RPGRIP1: variants seen among roughly 807,000 people sequenced by gnomAD.
The protein encoded by RPGRIP1 is RPGR interacting protein 1, also known as X-linked retinitis pigmentosa GTPase regulator-interacting protein 1.
A neutral mutation model predicts 157.9 loss-of-function variants in RPGRIP1; 128 were observed. The ratio of observed to expected loss-of-function variants is 0.81; its 90% CI spans 0.70 to 0.94. The LOEUF (loss-of-function observed/expected upper bound fraction) is 0.94. Among genes scored for constraint, RPGRIP1 ranks in the 40% least tolerant of loss-of-function variants. RPGRIP1 has a pLI of 0.00. For synonymous variants in RPGRIP1, 554 were observed against 571.6 expected (o/e 0.97, Z 0.44); for missense variants, 1,486 against 1,545.8 (o/e 0.96, Z 0.65).
At chr14:21,318,033 T>C (rs1881952077) in intron 11 of RPGRIP1, 183 bp downstream of exon 11, 1 of 701,288 alleles carries the variant, frequency 1.4e-6, no homozygotes, top group Non-Finnish European at 2.6e-6. Flanking sequence ...ACATGACACT[T>C]ACCTACCTCT....
intron 22 of RPGRIP1, 151 bp from the exon 23 acceptor site, chr14:21,344,962 T>C: frequency 1.6e-6 from 1 of 607,762 alleles, no homozygotes; most frequent in Non-Finnish European, 3.0e-6. Flanking sequence ...ACACAAATGA[T>C]TTTCAAAGCA....
intron 20 of RPGRIP1, among the ~76,000 whole-genome samples, chr14:21,330,899 A>AT (rs1361444391): frequency 1.3e-5 from 2 of 151,494 alleles, no homozygotes; most frequent in Non-Finnish European, 2.9e-5. Flanking sequence ...TTGCCCCAGG[A>AT]TTTTTTTGTT....
intron 3 of RPGRIP1, among the ~76,000 whole-genome samples, chr14:21,300,037 T>C (rs1432346895): frequency 6.6e-6 from 1 of 152,158 alleles, no homozygotes; most frequent in Non-Finnish European, 1.5e-5. Flanking sequence ...GGCTCACGCA[T>C]GTAATCCCAA....
chr14:21,344,310 C>T (rs974930431), intron 22 of RPGRIP1, among the ~76,000 whole-genome samples: 12 of 151,934 alleles, frequency 7.9e-5, no homozygotes, highest in Non-Finnish European at 1.6e-4. Flanking sequence ...TAATTATTTT[C>T]GTGTCCTTCA....
At chr14:21,300,705 CTTTTTTTT>C (rs918137131) in intron 3 of RPGRIP1, among the ~76,000 whole-genome samples, 1 of 73,502 alleles carries the variant, frequency 1.4e-5, no homozygotes, top group Non-Finnish European at 2.5e-5. Flanking sequence ...AGTGGCTCAA[CTTTTTTTT>C]TTTTTTTTTT....
chr14:21,315,732 T>C (rs530269753), intron 10 of RPGRIP1, among the ~76,000 whole-genome samples: 4 of 152,040 alleles, frequency 2.6e-5, no homozygotes, highest in African/African-American at 9.6e-5. Flanking sequence ...CTTGAGTCCT[T>C]ACATGATATA....
chr14:21,294,572 C>A, intron 2 of RPGRIP1, 105 bp from the exon 3 acceptor site: 1 of 1,167,994 alleles, frequency 8.6e-7, no homozygotes, highest in Non-Finnish European at 1.2e-6. Context: ...AAATACTTGA[C>A]TCAAGATAGA....
At chr14:21,348,098 T>A in intron 23 of RPGRIP1, 74 bp from the exon 24 acceptor site, 3 of 1,219,938 alleles carry the variant, frequency 2.5e-6, no homozygotes, top group Non-Finnish European at 3.3e-6. Flanking sequence ...TGTTTATGAT[T>A]ACTTTTATCC....
intron 22 of RPGRIP1, 139 bp downstream of exon 22, chr14:21,343,367 G>A: frequency 8.7e-6 from 6 of 690,852 alleles, no homozygotes; most frequent in Non-Finnish European, 1.4e-5. Flanking sequence ...TTGTGTGCAT[G>A]TGGTTTAAAA....
At position 21,334,664 on chromosome 14, in the gene RPGRIP1, G is replaced by C; in HGVS notation, c.3298G>C (p.Asp1100His). The C allele has an allele frequency of 1.2e-6, 2 of 1,608,936 alleles. No homozygotes were observed. The highest frequency in any genetic ancestry group is 1.7e-6 in the Non-Finnish European group (2 of 1,178,230). Residue 1100 changes from aspartate to histidine, a missense_variant, in exon 21 of 25, where the codon GAT becomes CAT. Physicochemically the swap from Asp to His is moderately conservative, Grantham distance 81. Transcript: ENST00000400017. ...VSEAQTTDSD[D>H]VIVPPMSQKY... ...TGAAGCACAAACTACCGACAGTGAT[G>C]ATGTCATAGTGCCACCCATGTCTCA...
At chr14:21,293,330 A>AT (rs1880615816) in intron 2 of RPGRIP1, among the ~76,000 whole-genome samples, 1 of 152,190 alleles carries the variant, frequency 6.6e-6, no homozygotes, top group African/African-American at 2.4e-5. Context: ...GACCAAAAAA[A>AT]CAAACGAGAT....
chr14:21,323,850 TA>T (rs1348082520), intron 14 of RPGRIP1: 1 of 152,762 alleles, frequency 6.5e-6, no homozygotes, highest in East Asian at 1.9e-4. Flanking sequence ...TCTACTGCTT[TA>T]ACTCTTAAAA....
intron 18 of RPGRIP1, 66 bp from the exon 19 acceptor site, chr14:21,328,358 C>G (rs1883336395): frequency 8.5e-6 from 10 of 1,181,214 alleles, no homozygotes; most frequent in Non-Finnish European, 1.2e-5. Flanking sequence ...TTCCCAAATC[C>G]CTTTCTTGTG....
chr14:21,289,501 G>C (rs1880435088), intron 2 of RPGRIP1, among the ~76,000 whole-genome samples: 1 of 152,100 alleles, frequency 6.6e-6, no homozygotes, highest in South Asian at 2.1e-4. Flanking sequence ...AGGTATTTTT[G>C]TAATTTTGCT....
At position 21,330,250 on chromosome 14, in the gene RPGRIP1, A is replaced by G. The variant is rs375835014; in HGVS notation, c.3101A>G (p.Gln1034Arg). Residue 1034 changes from glutamine (Q) to arginine (R), a missense_variant and splice_region_variant, in exon 20 of 25, where the codon CAG (glutamine) becomes CGG (arginine). Gln to Arg is a conservative substitution (Grantham distance 43). Coordinates refer to ENST00000400017, the MANE Select transcript of RPGRIP1 (RefSeq NM_020366.4). Reference protein sequence around the residue: ...LNILNGNTPEQVNYTEWKFSE... With the variant: ...LNILNGNTPERVNYTEWKFSE... ...AGTATTGTTGTTCTTATTCTGAAGC[A>G]GGTGAATTACACTGAGTGGAAGTTC... is the stretch of plus-strand genomic sequence containing the variant. 1.5e-5 allele frequency: 23 copies of G among 1,548,264 alleles called. No homozygotes were observed. The highest frequency in any genetic ancestry group is 2.8e-5 in the African/African-American group (2 of 70,432).
At chr14:21,317,619 A>G (rs1323817769) in intron 10 of RPGRIP1, 77 bp from the exon 11 acceptor site, 3 of 1,550,652 alleles carry the variant, frequency 1.9e-6, no homozygotes, top group Non-Finnish European at 2.6e-6. Context: ...GGTCCAGGAG[A>G]TGCTGAAACT....
At chr14:21,341,222 G>T (rs778624071) in intron 21 of RPGRIP1, among the ~76,000 whole-genome samples, 1 of 152,016 alleles carries the variant, frequency 6.6e-6, no homozygotes, top group African/African-American at 2.4e-5. Flanking sequence ...ATAGAGATGC[G>T]GTTTCACCAT....
chr14:21,315,475 C>G (rs1594188124), intron 10 of RPGRIP1, among the ~76,000 whole-genome samples: 1 of 150,542 alleles, frequency 6.6e-6, no homozygotes, highest in East Asian at 2.0e-4. Context: ...CCACTGCACT[C>G]CAGCCTGGGC....
In RPGRIP1 at chr14:21,345,111, A is replaced by C; in HGVS notation, c.3533-2A>C. The C allele has an allele frequency of 6.2e-7, 1 of 1,606,058 alleles. No homozygotes were observed. The highest frequency in any genetic ancestry group is 8.5e-7 in the Non-Finnish European group (1 of 1,172,658). ...TGCTTTTTTCTCTTACCCTTAATAC[A>C]GTAATAGACCTGGACCCACAGGAGC... On this transcript the variant is annotated splice_acceptor_variant, in intron 22 of 24. Coordinates refer to ENST00000400017, the MANE Select transcript of RPGRIP1 (RefSeq NM_020366.4). LOFTEE classifies it high-confidence loss of function.
Sources: gnomAD v4.1 joint callset for allele counts (sites outside exome capture counted in the v4.1 genomes callset) on GRCh38, gnomAD v4.1.1 for gene constraint, MANE v1.5 for transcripts, NCBI Gene and HGNC (gene_info 2026-07-23, HGNC 2026-07-21) for gene names.